The following DAB1 variants were observed in gnomAD, a reference collection of about 807,000 sequenced individuals.
The protein encoded by DAB1 is disabled homolog 1.
DAB1 carries 15 observed loss-of-function variants against 64.6 expected under a neutral mutation model. The observed-to-expected ratio is 0.23, with a 90% CI of 0.16 to 0.36. The LOEUF (loss-of-function observed/expected upper bound fraction) is 0.36. Among genes scored for constraint, DAB1 ranks in the 10% least tolerant of loss-of-function variants. The pLI is 1.00. For synonymous variants in DAB1, 235 were observed against 251.9 expected, an observed-to-expected ratio of 0.93 and a Z score of 0.64; for missense variants, 596 against 706.7, an observed-to-expected ratio of 0.84 and a Z score of 1.78.
chr1:57,336,169 G>A (rs758930038), intron 1 of DAB1, among the ~76,000 whole-genome samples: 21 of 151,932 alleles, frequency 1.4e-4, no homozygotes, highest in African/African-American at 1.9e-4. Context: ...CACATTTTTC[G>A]CATTAACTTC....
chr1:57,998,183 C>T (rs977747775), intron 5 of DAB1, among the ~76,000 whole-genome samples: 3 of 152,132 alleles, frequency 2.0e-5, no homozygotes, highest in South Asian at 2.1e-4. Flanking sequence ...ACAGTGTAGG[C>T]CCTGGAATAG....
intron 6 of DAB1, among the ~76,000 whole-genome samples, chr1:57,766,601 A>G (rs1465758138): frequency 6.6e-6 from 1 of 152,040 alleles, no homozygotes; most frequent in Non-Finnish European, 1.5e-5. Context: ...GCTTTTACTT[A>G]CAACACTTCT....
intron 1 of DAB1, among the ~76,000 whole-genome samples, chr1:57,854,218 C>T (rs1165888424): frequency 6.6e-6 from 1 of 152,102 alleles, no homozygotes; most frequent in Non-Finnish European, 1.5e-5. Context: ...ATTACACTTT[C>T]TTGACTTTTT....
chr1:57,723,459 T>C (rs569314633), intron 6 of DAB1, among the ~76,000 whole-genome samples: 2 of 152,218 alleles, frequency 1.3e-5, no homozygotes, highest in Non-Finnish European at 1.5e-5. Flanking sequence ...TCAAACCCTA[T>C]ACCAAATCCA....
intron 2 of DAB1, among the ~76,000 whole-genome samples, chr1:58,509,643 A>G (rs1646043272): frequency 6.6e-6 from 1 of 151,466 alleles, no homozygotes; most frequent in African/African-American, 2.4e-5. Flanking sequence ...AGAAGGAGGG[A>G]AATAATAAAG....
Position 56,995,227 on chromosome 1 carries a change from C to T in DAB1, c.*2917G>A, listed in dbSNP as rs1645575007. ...AAAATTTAAAGTGACAAATTTAGTG[C>T]TAGTGGAGGATGAGGAATTAACAGT... On this transcript the variant is annotated 3_prime_UTR_variant, in exon 15 of 15. Transcript: ENST00000371236. The T allele has an allele frequency of 1.3e-5, 2 of 152,132 alleles. No homozygotes were observed. Among genetic ancestry groups the T allele is most frequent in the Admixed American group, 6.6e-5 (1 of 15,266 alleles). The allele number at this position is 152,132 out of a possible 1,614,324, so 9.4% of individuals were successfully genotyped here.
chr1:57,452,616 G>A (rs533428122), intron 7 of DAB1, among the ~76,000 whole-genome samples: 53 of 152,204 alleles, frequency 3.5e-4, no homozygotes, highest in African/African-American at 1.2e-3. Flanking sequence ...TGGGGGGCGC[G>A]GGGTGGTCCT....
intron 5 of DAB1, among the ~76,000 whole-genome samples, chr1:57,948,679 A>C (rs1335741238): frequency 6.6e-6 from 1 of 152,230 alleles, no homozygotes. Context: ...GGCTGATGAG[A>C]TTCAGTTCTG....
At chr1:57,536,484 C>T (rs1215867889) in intron 7 of DAB1, among the ~76,000 whole-genome samples, 1 of 152,144 alleles carries the variant, frequency 6.6e-6, no homozygotes, top group African/African-American at 2.4e-5. Context: ...TTAATGTCAG[C>T]AAAGTCTCTC....
At position 57,608,331 on chromosome 1, in the gene DAB1, C is replaced by T. The variant is rs371848986; in HGVS notation, n.625+41261G>A. 7.2e-5 allele frequency among the ~76,000 whole-genome samples: 11 copies of T among 152,006 alleles called. No individual in the cohort carries two copies. The South Asian group carries it at 1.9e-3, about 26-fold the overall frequency. On this transcript the variant is annotated intron_variant and non_coding_transcript_variant, in intron 7 of 20. Transcript: ENST00000485760. Reference sequence around the variant, plus strand: ...CTCTGACAATCTATGATTTTCTCTCCCATGTGTAAATTTATATCTGTTCTC... The same window carrying T: ...CTCTGACAATCTATGATTTTCTCTCTCATGTGTAAATTTATATCTGTTCTC...
intron 7 of DAB1, among the ~76,000 whole-genome samples, chr1:57,609,496 T>C (rs1203031733): frequency 6.6e-6 from 1 of 152,022 alleles, no homozygotes; most frequent in African/African-American, 2.4e-5. Flanking sequence ...CGAGACGAAT[T>C]CCCCCACGAA....
intron 7 of DAB1, among the ~76,000 whole-genome samples, chr1:57,568,383 A>C (rs570981949): frequency 6.6e-6 from 1 of 152,232 alleles, no homozygotes; most frequent in Non-Finnish European, 1.5e-5. Context: ...CTTCATGTCT[A>C]AAACACCAAA....
intron 5 of DAB1, among the ~76,000 whole-genome samples, chr1:58,120,926 C>A (rs1159807344): frequency 6.6e-6 from 1 of 152,098 alleles, no homozygotes; most frequent in Admixed American, 6.5e-5. Context: ...TTAATTATGA[C>A]CGGATGAAAA....
intron 4 of DAB1, among the ~76,000 whole-genome samples, chr1:58,249,712 G>A (rs1311169861): frequency 6.6e-6 from 1 of 152,044 alleles, no homozygotes; most frequent in Non-Finnish European, 1.5e-5. Context: ...TTGTTTCCCC[G>A]GGACAGGAAG....
intron 9 of DAB1, among the ~76,000 whole-genome samples, chr1:57,043,343 C>G (rs1227939447): frequency 6.6e-6 from 1 of 152,326 alleles, no homozygotes; most frequent in African/African-American, 2.4e-5. Context: ...CCTAGATGCT[C>G]AAGTCACAAG....
At chr1:57,999,846 A>G (rs1296767898) in intron 5 of DAB1, among the ~76,000 whole-genome samples, 3 of 151,744 alleles carry the variant, frequency 2.0e-5, no homozygotes, top group African/African-American at 7.3e-5. Flanking sequence ...AGAGAAAGAC[A>G]AAAGAGGGAA....
At chr1:57,234,530 T>G (rs1228690950) in intron 2 of DAB1, among the ~76,000 whole-genome samples, 1 of 152,244 alleles carries the variant, frequency 6.6e-6, no homozygotes, top group Non-Finnish European at 1.5e-5. Flanking sequence ...TAACTGCTAT[T>G]ATTAATAACT....
rs542757392 is a variant in DAB1 at position 58,484,332 on chromosome 1, A to C, written n.257+21728T>G. Among the ~76,000 whole-genome samples the C allele has an allele frequency of 7.9e-5, 12 of 152,328 alleles. No homozygotes were observed. In the South Asian group the frequency reaches 2.5e-3, roughly 32 times the overall value. On this transcript the variant is annotated intron_variant and non_coding_transcript_variant, in intron 3 of 20. Coordinates refer to the DAB1 transcript ENST00000485760. Reference sequence around the variant, plus strand: ...TGGAGATATGTGAAGTCTAACACCCAAAATAGAATGATCTGATCAAAGAGT... The same window carrying C: ...TGGAGATATGTGAAGTCTAACACCCCAAATAGAATGATCTGATCAAAGAGT...
intron 6 of DAB1, among the ~76,000 whole-genome samples, chr1:57,706,260 C>CT: frequency 6.6e-6 from 1 of 151,998 alleles, no homozygotes; most frequent in Non-Finnish European, 1.5e-5. Flanking sequence ...TCTTTCTCTA[C>CT]TTTTTTTCTC....
Sources: allele counts gnomAD v4.1 joint callset (sites outside exome capture counted in the v4.1 genomes callset), GRCh38; gene constraint gnomAD v4.1.1; transcripts MANE v1.5; gene names NCBI Gene and HGNC (gene_info 2026-07-23, HGNC 2026-07-21).